LRPPRC: variants seen among roughly 807,000 people sequenced by gnomAD.
LRPPRC encodes leucine-rich PPR motif-containing protein, mitochondrial.
Under a neutral mutation model 180.3 loss-of-function variants are expected in LRPPRC, and 120 were observed. That is an observed-to-expected ratio of 0.67 (90% CI 0.57 to 0.77). LRPPRC has a LOEUF of 0.77. Ranked by LOEUF, LRPPRC falls within the 30% of genes least tolerant of loss-of-function variation. LRPPRC has a pLI of 0.00. For synonymous variants in LRPPRC, 723 were observed against 600.0 expected (o/e 1.21, Z -3.00); for missense variants, 2,012 against 1,657.2 (o/e 1.21, Z -3.72).
intron 34 of LRPPRC, among the ~76,000 whole-genome samples, chr2:43,898,174 G>A (rs1009936192): frequency 4.6e-5 from 7 of 151,410 alleles, no homozygotes; most frequent in African/African-American, 1.7e-4. Context: ...AAAAGTAAGA[G>A]TCTGAGAAGC....
At chr2:43,902,516 A>T (rs1670924608) in intron 31 of LRPPRC, 1 of 152,212 alleles carries the variant, frequency 6.6e-6, no homozygotes, top group Non-Finnish European at 1.5e-5. Context: ...ATTGAAGTGT[A>T]CTCAAAATAC....
At chr2:43,945,217 C>T in intron 22 of LRPPRC, 115 bp downstream of exon 22, 1 of 756,278 alleles carries the variant, frequency 1.3e-6, no homozygotes. Flanking sequence ...ATGCAAATTT[C>T]TATGCAAAGT....
At chr2:43,914,451 G>T (rs1020820189) in intron 29 of LRPPRC, among the ~76,000 whole-genome samples, 1 of 152,202 alleles carries the variant, frequency 6.6e-6, no homozygotes, top group Non-Finnish European at 1.5e-5. Context: ...GTTATGGCCA[G>T]GCACAGTGGC....
intron 29 of LRPPRC, among the ~76,000 whole-genome samples, chr2:43,913,955 G>C (rs938296850): frequency 2.0e-5 from 3 of 152,194 alleles, no homozygotes; most frequent in African/African-American, 7.2e-5. Flanking sequence ...TTGAGTACCA[G>C]TATCAATGCA....
intron 15 of LRPPRC, 93 bp from the exon 16 acceptor site, chr2:43,949,752 C>T: frequency 1.2e-6 from 1 of 833,750 alleles, no homozygotes; most frequent in East Asian, 2.5e-5. Context: ...TAAAACCTCT[C>T]CCCAGTAAGG....
In LRPPRC at chr2:43,901,442, C is replaced by T; in HGVS notation, c.3447G>A (p.Leu1149=). 1 of 1,613,746 alleles carries T rather than the reference C, an allele frequency of 6.2e-7. No individual in the cohort carries two copies. The highest frequency in any genetic ancestry group is 8.5e-7 in the Non-Finnish European group (1 of 1,179,628). Residue 1149 remains leucine, a synonymous_variant, in exon 32 of 38, where the codon TTG becomes TTA. Transcript: ENST00000260665. ...TGTTTTCAACATCACCCTTCATGGC[C>T]AATGCCTGGATGACACGGGTCACTG... is the stretch of plus-strand genomic sequence containing the variant. ...RLAVTRVIQA[L]AMKGDVENIE...
At chr2:43,940,946 C>G (rs1191535213) in intron 23 of LRPPRC, among the ~76,000 whole-genome samples, 1 of 152,052 alleles carries the variant, frequency 6.6e-6, no homozygotes, top group Admixed American at 6.6e-5. Context: ...ATGTAAAATA[C>G]GTGGCTTAGA....
At chr2:43,982,188 C>T in intron 2 of LRPPRC, 50 bp downstream of exon 2, 1 of 1,337,706 alleles carries the variant, frequency 7.5e-7, no homozygotes, top group East Asian at 2.3e-5. Flanking sequence ...AGGCCTGAGC[C>T]ACTGTGACCA....
chr2:43,925,415 A>C (rs1468355831), intron 26 of LRPPRC, among the ~76,000 whole-genome samples: 1 of 152,224 alleles, frequency 6.6e-6, no homozygotes, highest in African/African-American at 2.4e-5. Flanking sequence ...TCAAGAACAC[A>C]ACATGAATAA....
chr2:43,947,661 G>A, intron 19 of LRPPRC, 70 bp downstream of exon 19: 2 of 947,216 alleles, frequency 2.1e-6, no homozygotes, highest in South Asian at 2.6e-5. Context: ...GGTTTTATAA[G>A]TACACAATCC....
At chr2:43,905,861 T>C in intron 30 of LRPPRC, 81 bp from the exon 31 acceptor site, 1 of 917,204 alleles carries the variant, frequency 1.1e-6, no homozygotes, top group Non-Finnish European at 1.8e-6. Flanking sequence ...AAGGTGAAAT[T>C]ATAAAAACTA....
chr2:43,947,827 C>T (rs1269442320), intron 18 of LRPPRC, 52 bp from the exon 19 acceptor site: 3 of 1,142,390 alleles, frequency 2.6e-6, no homozygotes, highest in Non-Finnish European at 4.0e-6. Context: ...CGTAAAAATA[C>T]ATCAGCAAAC....
intron 21 of LRPPRC, 104 bp downstream of exon 21, chr2:43,946,009 A>T (rs994739670): frequency 5.7e-5 from 71 of 1,236,896 alleles, no homozygotes; most frequent in African/African-American, 5.0e-4. Flanking sequence ...AAGAATTTTT[A>T]AAAATGACAT....
At chr2:43,934,542 A>C (rs1318760538) in intron 24 of LRPPRC, among the ~76,000 whole-genome samples, 4 of 152,120 alleles carry the variant, frequency 2.6e-5, no homozygotes, top group Admixed American at 2.6e-4. Flanking sequence ...ACACAAAAAT[A>C]ACAGACATTT....
chr2:43,937,700 G>A (rs2105065979), intron 23 of LRPPRC, among the ~76,000 whole-genome samples: 1 of 152,232 alleles, frequency 6.6e-6, no homozygotes, highest in South Asian at 2.1e-4. Context: ...GGACATTTGG[G>A]TTCCCTCCTA....
At chr2:43,948,822 T>G (rs1672792820) in intron 16 of LRPPRC, among the ~76,000 whole-genome samples, 1 of 152,142 alleles carries the variant, frequency 6.6e-6, no homozygotes, top group African/African-American at 2.4e-5. Flanking sequence ...CCTTACCCCT[T>G]TCCTGTCCAA....
chr2:43,897,378 C>T (rs1670722070), intron 34 of LRPPRC, among the ~76,000 whole-genome samples: 1 of 152,116 alleles, frequency 6.6e-6, no homozygotes, highest in Non-Finnish European at 1.5e-5. Flanking sequence ...TTTTAGTTTA[C>T]ACTCATCACA....
rs1329142499 is a variant in LRPPRC at position 43,973,693 on chromosome 2, T to A, written c.1283A>T (p.Lys428Met). ...NKTDLAKALM[K>M]AVKEEGFPIR... ...AGGAAAACCTTCCTCCTTCACAGCC[T>A]TCATTAAGGCTTTTGCCAAATCTGA... The change falls in exon 11 of 38, where the codon AAG (lysine) becomes ATG (methionine). Residue 428 changes from lysine (K) to methionine (M), a missense_variant. Physicochemically the swap from Lys to Met is moderately conservative, Grantham distance 95. Transcript: ENST00000260665. 1.2e-6 allele frequency: 2 copies of A among 1,613,626 alleles called. No homozygotes were observed. Among genetic ancestry groups the A allele is most frequent in the Non-Finnish European group, 8.5e-7 (1 of 1,179,596 alleles).
At chr2:43,929,255 A>G (rs924119105) in intron 25 of LRPPRC, among the ~76,000 whole-genome samples, 8 of 152,138 alleles carry the variant, frequency 5.3e-5, no homozygotes, top group African/African-American at 1.9e-4. Context: ...CTGTGTATGG[A>G]TGTCATGGTG....
Sources: allele counts gnomAD v4.1 joint callset (sites outside exome capture counted in the v4.1 genomes callset), GRCh38; gene constraint gnomAD v4.1.1; transcripts MANE v1.5; gene names NCBI Gene and HGNC (gene_info 2026-07-23, HGNC 2026-07-21).